SPRN: variants seen among roughly 807,000 people sequenced by gnomAD.
SPRN encodes the protein hypothetical protein BC004409.
For synonymous variants in SPRN, 182 were observed against 123.4 expected (o/e 1.48, Z -3.15); for missense variants, 312 against 241.4 (o/e 1.29, Z -1.94).
Position 133,423,341 on chromosome 10 carries a change from C to T in SPRN, c.341G>A (p.Gly114Asp). Residue 114 changes from glycine (G) to aspartate (D), a missense_variant, in exon 2 of 2, where the codon GGC becomes GAC. Gly to Asp is a moderately conservative substitution (Grantham distance 94, BLOSUM62 -1). Transcript: ENST00000685335. ...CGCCCGGTAGCTGTAGATGCCGGGG[C>T]CTGTCCCGTTGCCTCCGGGCACCCC... ...EDGVPGGNGT[G>D]PGIYSYRAWT... 4.6e-6 allele frequency: 7 copies of T among 1,520,250 alleles called. 1 individual carries two copies. The highest frequency in any genetic ancestry group is 6.1e-6 in the Non-Finnish European group (7 of 1,139,310). The allele number at this position is 1,520,250 out of a possible 1,614,324, so 94.2% of individuals were successfully genotyped here.
Position 133,423,319 on chromosome 10 carries a change from C to A in SPRN, c.363G>T (p.Arg121=). Residue 121 remains arginine, a synonymous_variant, in exon 2 of 2, where the codon CGG becomes CGT. Transcript: ENST00000685335. ...NGTGPGIYSY[R]AWTSGAGPTR... ...TGGGTCCAGCGCCCGAAGTCCACGC[C>A]CGGTAGCTGTAGATGCCGGGGCCTG... 1 of 1,522,710 alleles carries A rather than the reference C, an allele frequency of 6.6e-7. No individual in the cohort carries two copies. Among genetic ancestry groups the A allele is most frequent in the Non-Finnish European group, 8.8e-7 (1 of 1,140,344 alleles). 94.3% of individuals were successfully genotyped at this position (1,522,710 alleles called of 1,614,324 possible).
At position 133,423,439 on chromosome 10, in the gene SPRN, C is replaced by T. The variant is rs867004610; in HGVS notation, c.243G>A (p.Ala81=). ...AAAGAAAGAA[A]GLAAGSGWRR... ...TCCAGCCCGAGCCCGCCGCCAGGCCCGCGGCCGCTCCCGCCGCCGCCCCGG... is the reference window on the plus strand; with the variant it reads ...TCCAGCCCGAGCCCGCCGCCAGGCCTGCGGCCGCTCCCGCCGCCGCCCCGG... Residue 81 remains alanine, a synonymous_variant, in exon 2 of 2, where the codon GCG becomes GCA. Coordinates refer to ENST00000685335, the MANE Select transcript of SPRN (RefSeq NM_001391974.1). 4 of 1,269,858 alleles carry T rather than the reference C, an allele frequency of 3.1e-6. No individual in the cohort carries two copies. Among genetic ancestry groups the T allele is most frequent in the African/African-American group, 1.6e-5 (1 of 64,068 alleles). 78.7% of individuals were successfully genotyped at this position (1,269,858 alleles called of 1,614,324 possible). A position where few individuals can be genotyped will look rare whatever the true frequency, so the allele number is the denominator to read the frequency against.
At position 133,423,461 on chromosome 10, in the gene SPRN, CCGGCTGCCGCCCCGG is replaced by C; in HGVS notation, c.206_220del (p.Ala69_Ala73del). 8.5e-7 allele frequency: 1 copy of C among 1,173,994 alleles called. No homozygotes were observed. Among genetic ancestry groups the C allele is most frequent in the Admixed American group, 4.7e-5 (1 of 21,252 alleles). The allele number at this position is 1,173,994 out of a possible 1,614,324, so 72.7% of individuals were successfully genotyped here. A position where few individuals can be genotyped will look rare whatever the true frequency, so the allele number is the denominator to read the frequency against. On this transcript the variant is annotated inframe_deletion, in exon 2 of 2. Transcript: ENST00000685335. ...GCCCGCGGCCGCTCCCGCCGCCGCC[CCGGCTGCCGCCCCGG>C]CGGCAGCCACGCGCAGGGAGGAGCC...
Position 133,423,568 on chromosome 10 carries a change from C to T in SPRN, c.114G>A (p.Gly38=), listed in dbSNP as rs552084333. ...RGGARGSARG[G]VRGGARGASR... The stretch of plus-strand genomic sequence containing the variant: ...AGGCCCCGCGCGCACCCCCGCGGAC[C>T]CCTCCCCGGGCACTGCCCCGCGCAC... Residue 38 remains glycine, a synonymous_variant, in exon 2 of 2, where the codon GGG becomes GGA. Coordinates refer to ENST00000685335, the MANE Select transcript of SPRN (RefSeq NM_001391974.1). 8.2e-6 allele frequency: 11 copies of T among 1,335,312 alleles called. No individual in the cohort carries two copies. The highest frequency in any genetic ancestry group is 1.1e-5 in the Non-Finnish European group (11 of 1,043,824). 82.7% of individuals were successfully genotyped at this position (1,335,312 alleles called of 1,614,324 possible).
chr10:133,423,339 G>C lies in SPRN; in HGVS notation c.343C>G (p.Pro115Ala). The change falls in exon 2 of 2, where the codon CCC (proline) becomes GCC (alanine). Residue 115 changes from proline to alanine, a missense_variant. By Grantham distance (27) the Pro-to-Ala change is conservative. Coordinates refer to ENST00000685335, the MANE Select transcript of SPRN (RefSeq NM_001391974.1). ...DGVPGGNGTGPGIYSYRAWTS... is the reference protein window; with the variant it reads ...DGVPGGNGTGAGIYSYRAWTS... ...CACGCCCGGTAGCTGTAGATGCCGG[G>C]GCCTGTCCCGTTGCCTCCGGGCACC... 1 of 1,520,528 alleles carries C rather than the reference G, an allele frequency of 6.6e-7. No homozygotes were observed. The highest frequency in any genetic ancestry group is 8.8e-7 in the Non-Finnish European group (1 of 1,139,400). The allele number at this position is 1,520,528 out of a possible 1,614,324, so 94.2% of individuals were successfully genotyped here.
Position 133,423,490 on chromosome 10 carries a change from C to G in SPRN, c.192G>C (p.Leu64=). The G allele has an allele frequency of 8.6e-7, 1 of 1,163,074 alleles. No homozygotes were observed. Among genetic ancestry groups the G allele is most frequent in the African/African-American group, 1.6e-5 (1 of 61,108 alleles). 72.0% of individuals were successfully genotyped at this position (1,163,074 alleles called of 1,614,324 possible). A position where few individuals can be genotyped will look rare whatever the true frequency, so the allele number is the denominator to read the frequency against. ...AQRYGAPGSS[L]RVAAAGAAAG... ...CTGCCGCCCCGGCGGCAGCCACGCG[C>G]AGGGAGGAGCCCGGGGCACCGTAGC... is the stretch of plus-strand genomic sequence containing the variant. Residue 64 remains leucine, a synonymous_variant, in exon 2 of 2, where the codon CTG becomes CTC. Transcript: ENST00000685335.
At position 133,423,538 on chromosome 10, in the gene SPRN, C is replaced by T. The variant is rs1401451440; in HGVS notation, c.144G>A (p.Arg48=). Residue 48 remains arginine, a synonymous_variant, in exon 2 of 2, where the codon AGG becomes AGA. Transcript: ENST00000685335. The part of the protein sequence containing the change: ...GVRGGARGAS[R]VRVRPAQRYG... ...AGCGCTGCGCCGGCCTCACGCGCACCCTCGAGGCCCCGCGCGCACCCCCGC... is the reference window on the plus strand; with the variant it reads ...AGCGCTGCGCCGGCCTCACGCGCACTCTCGAGGCCCCGCGCGCACCCCCGC... 6 of 1,225,842 alleles carry T rather than the reference C, an allele frequency of 4.9e-6. No individual in the cohort carries two copies. Among genetic ancestry groups the T allele is most frequent in the African/African-American group, 1.6e-5 (1 of 62,852 alleles). 75.9% of individuals were successfully genotyped at this position (1,225,842 alleles called of 1,614,324 possible). A position where few individuals can be genotyped will look rare whatever the true frequency, so the allele number is the denominator to read the frequency against.
chr10:133,423,520 C>T lies in SPRN; in HGVS notation c.162G>A (p.Ala54=), dbSNP rs929639054. The T allele has an allele frequency of 4.2e-6, 5 of 1,192,140 alleles. No individual in the cohort carries two copies. The highest frequency in any genetic ancestry group is 7.3e-5 in the East Asian group (2 of 27,350). 73.8% of individuals were successfully genotyped at this position (1,192,140 alleles called of 1,614,324 possible). The change falls in exon 2 of 2, where the codon GCG becomes GCA. Residue 54 remains alanine, a synonymous_variant. Transcript: ENST00000685335. ...AGGAGCCCGGGGCACCGTAGCGCTG[C>T]GCCGGCCTCACGCGCACCCTCGAGG... ...RGASRVRVRP[A]QRYGAPGSSL... is the part of the protein sequence containing the mutation.
chr10:133,421,494 C>T lies in SPRN; in HGVS notation c.*1732G>A, dbSNP rs1348767378. On this transcript the variant is annotated 3_prime_UTR_variant, in exon 2 of 2. Coordinates refer to ENST00000685335, the MANE Select transcript of SPRN (RefSeq NM_001391974.1). ...ACCCCCTGCCTCCTGGGGGAAATGT[C>T]AGAAGGGCTTCTCTGCCTATGAGGA... 1 of 152,780 alleles carries T rather than the reference C, an allele frequency of 6.5e-6. No individual in the cohort carries two copies. Among genetic ancestry groups the T allele is most frequent in the East Asian group, 1.9e-4 (1 of 5,192 alleles). 9.5% of individuals were successfully genotyped at this position (152,780 alleles called of 1,614,324 possible).
At chr10:133,424,148 A>T (rs1303187470) in intron 1 of SPRN, among the ~76,000 whole-genome samples, 1 of 134,220 alleles carries the variant, frequency 7.5e-6, no homozygotes, top group Non-Finnish European at 1.6e-5. Flanking sequence ...AGGGTCTGGA[A>T]CGGGGACGGG....
Position 133,422,980 on chromosome 10 carries a change from G to C in SPRN, c.*246C>G. 1 of 406,118 alleles carries C rather than the reference G, an allele frequency of 2.5e-6. No individual in the cohort carries two copies. Among genetic ancestry groups the C allele is most frequent in the Non-Finnish European group, 4.4e-6 (1 of 228,194 alleles). The allele number at this position is 406,118 out of a possible 1,614,324, so 25.2% of individuals were successfully genotyped here. ...GGAGCCACAGGCAGCTGCCTTTTTG[G>C]CTGAGGGGACCCTAACATCCTGGAG... On this transcript the variant is annotated 3_prime_UTR_variant, in exon 2 of 2. Transcript: ENST00000685335.
chr10:133,423,844 G>A, intron 1 of SPRN, 147 bp from the exon 2 acceptor site: 1 of 514,102 alleles, frequency 1.9e-6, no homozygotes, highest in Non-Finnish European at 3.2e-6. Flanking sequence ...GAGGCCTGGG[G>A]GGGCGCGGTT....
At chr10:133,424,127 T>G (rs1351941412) in intron 1 of SPRN, among the ~76,000 whole-genome samples, 5 of 130,064 alleles carry the variant, frequency 3.8e-5, no homozygotes, top group African/African-American at 1.2e-4. Context: ...GACCAAGAGC[T>G]GGCTCAGATC....
Position 133,423,362 on chromosome 10 carries a change from AC to A in SPRN, c.319del (p.Val107CysfsTer110). On this transcript the variant is annotated frameshift_variant, in exon 2 of 2. Coordinates refer to ENST00000685335, the MANE Select transcript of SPRN (RefSeq NM_001391974.1). LOFTEE classifies it low-confidence loss of function (END_TRUNC). ...GGGGCCTGTCCCGTTGCCTCCGGGC[AC>A]CCCGTCCTCCTCGTCCTCCAGGCCG... is the stretch of plus-strand genomic sequence containing the variant. The part of the protein sequence containing the change: ...ERGLEDEEDG[V>X]PGGNGTGPGI... 3 of 1,512,588 alleles carry A rather than the reference AC, an allele frequency of 2.0e-6. No individual in the cohort carries two copies. The highest frequency in any genetic ancestry group is 1.2e-5 in the South Asian group (1 of 81,388). 93.7% of individuals were successfully genotyped at this position (1,512,588 alleles called of 1,614,324 possible).
At chr10:133,424,397 C>A (rs1249240130) in intron 1 of SPRN, 76 bp downstream of exon 1, 1 of 140,436 alleles carries the variant, frequency 7.1e-6, no homozygotes, top group Admixed American at 7.0e-5. Flanking sequence ...CACGGCTGTG[C>A]GGGCGACAGC....
chr10:133,423,291 G>A lies in SPRN; in HGVS notation c.391C>T (p.Arg131Cys), dbSNP rs1276484296. The A allele has an allele frequency of 3.3e-6, 5 of 1,518,996 alleles. No homozygotes were observed. The highest frequency in any genetic ancestry group is 2.0e-5 in the Admixed American group (1 of 49,568). 94.1% of individuals were successfully genotyped at this position (1,518,996 alleles called of 1,614,324 possible). A position where few individuals can be genotyped will look rare whatever the true frequency, so the allele number is the denominator to read the frequency against. Residue 131 changes from arginine (R) to cysteine (C), a missense_variant, in exon 2 of 2, where the codon CGC (arginine) becomes TGC (cysteine). Arg to Cys is a radical substitution (Grantham distance 180). Coordinates refer to ENST00000685335, the MANE Select transcript of SPRN (RefSeq NM_001391974.1). ...RAWTSGAGPT[R>C]GPRLCLVLGG... ...AGCACGAGACAGAGACGCGGGCCGC[G>A]CGTGGGTCCAGCGCCCGAAGTCCAC... is the stretch of plus-strand genomic sequence containing the variant.
In SPRN at chr10:133,420,956, C is replaced by T. The variant is rs1195206352; in HGVS notation, c.*2270G>A. ...GCCCCTCCAGCCCCATTATAGTGCA[C>T]CTGAAGGGGTCCACAGCCTGTGTCC... On this transcript the variant is annotated 3_prime_UTR_variant, in exon 2 of 2. Transcript: ENST00000685335. 6.6e-6 allele frequency: 1 copy of T among 152,358 alleles called. No homozygotes were observed. Among genetic ancestry groups the T allele is most frequent in the African/African-American group, 2.4e-5 (1 of 41,450 alleles). 9.4% of individuals were successfully genotyped at this position (152,358 alleles called of 1,614,324 possible).
In SPRN at chr10:133,422,325, G is replaced by A. The variant is rs1185164808; in HGVS notation, c.*901C>T. The A allele has an allele frequency of 6.6e-6, 1 of 152,426 alleles. No individual in the cohort carries two copies. Among genetic ancestry groups the A allele is most frequent in the Non-Finnish European group, 1.5e-5 (1 of 68,210 alleles). The allele number at this position is 152,426 out of a possible 1,614,324, so 9.4% of individuals were successfully genotyped here. On this transcript the variant is annotated 3_prime_UTR_variant, in exon 2 of 2. Coordinates refer to ENST00000685335, the MANE Select transcript of SPRN (RefSeq NM_001391974.1). ...AAGAAGGGGCTGCCTTCAGGGAAAT[G>A]CGTGCACCGTGCAGCCTGTGCTGTG...
In SPRN at chr10:133,423,256, G is replaced by T; in HGVS notation, c.426C>A (p.Ala142=). 1 of 1,487,690 alleles carries T rather than the reference G, an allele frequency of 6.7e-7. No homozygotes were observed. 92.2% of individuals were successfully genotyped at this position (1,487,690 alleles called of 1,614,324 possible). The change falls in exon 2 of 2, where the codon GCC becomes GCA. Residue 142 remains alanine (A), a synonymous_variant. Transcript: ENST00000685335. ...GPRLCLVLGG[A]LGALGLLRP ...GCCGCAGCAGCCCCAGGGCTCCGAG[G>T]GCGCCGCCCAGCACGAGACAGAGAC...
Sources: gnomAD v4.1 joint callset for allele counts (sites outside exome capture counted in the v4.1 genomes callset) on GRCh38, gnomAD v4.1.1 for gene constraint, MANE v1.5 for transcripts, NCBI Gene and HGNC (gene_info 2026-07-23, HGNC 2026-07-21) for gene names.